The following ARID1A variants were observed in gnomAD, a reference collection of about 807,000 sequenced individuals.
ARID1A encodes the protein AT-rich interaction domain 1A.
Under a neutral mutation model 212.6 loss-of-function variants are expected in ARID1A, and 20 were observed. The observed-to-expected ratio is 0.09, with a 90% CI of 0.07 to 0.14. The LOEUF is 0.14. Among genes scored for constraint, ARID1A ranks in the 10% least tolerant of loss-of-function variants. The pLI, the probability that ARID1A is intolerant of heterozygous loss-of-function variation, is 1.00. For synonymous variants in ARID1A, 1,376 were observed against 1,222.1 expected, an observed-to-expected ratio of 1.13 and a Z score of -2.63; for missense variants, 2,587 against 3,059.0, an observed-to-expected ratio of 0.85 and a Z score of 3.64.
Position 26,696,331 on chromosome 1 carries a change from C to G in ARID1A, c.-73C>G, listed in dbSNP as rs1412032931. The G allele has an allele frequency of 2.6e-6, 3 of 1,169,026 alleles. No homozygotes were observed. Among genetic ancestry groups the G allele is most frequent in the Non-Finnish European group, 3.2e-6 (3 of 949,480 alleles). 72.4% of individuals were successfully genotyped at this position (1,169,026 alleles called of 1,614,324 possible). On this transcript the variant is annotated 5_prime_UTR_variant, in exon 1 of 20. Coordinates refer to ENST00000324856, the MANE Select transcript of ARID1A (RefSeq NM_006015.6). ...GGAGGGCAGCCCGGGGGACTGGGCC[C>G]CGGGGCGGGGTGGGAGGGGGGGAGA...
intron 4 of ARID1A, among the ~76,000 whole-genome samples, chr1:26,740,771 C>T (rs1002989918): frequency 3.3e-5 from 5 of 152,182 alleles, no homozygotes; most frequent in Admixed American, 1.3e-4. Context: ...CGTAGAACTA[C>T]TTCTGGCAAG....
intron 1 of ARID1A, among the ~76,000 whole-genome samples, 189 bp downstream of exon 1, chr1:26,697,729 C>T (rs929131407): frequency 1.3e-5 from 2 of 151,730 alleles, no homozygotes; most frequent in African/African-American, 2.4e-5. Context: ...CTCCTTCAGC[C>T]TTTGTGTTGG....
At chr1:26,707,644 G>C (rs2080406129) in intron 1 of ARID1A, among the ~76,000 whole-genome samples, 2 of 152,098 alleles carry the variant, frequency 1.3e-5, no homozygotes, top group South Asian at 4.1e-4. Flanking sequence ...TGCCTGGCAA[G>C]GATCCTGACT....
Position 26,772,332 on chromosome 1 carries a change from C to T in ARID1A, c.3407-168C>T, listed in dbSNP as rs558751217. ...CAAAGAGCTACAAAACCCTCAGATT[C>T]CCGTCTTTATGACCTGGCCTTGTAG... On this transcript the variant is annotated intron_variant, in intron 12 of 19. Transcript: ENST00000324856. The T allele has an allele frequency of 1.7e-4, 157 of 948,474 alleles. 2 individuals are homozygous for T. The South Asian group carries it at 2.7e-3, about 16-fold the overall frequency. 58.8% of individuals were successfully genotyped at this position (948,474 alleles called of 1,614,324 possible).
intron 7 of ARID1A, 104 bp from the exon 8 acceptor site, chr1:26,762,869 C>G (rs1282350920): frequency 1.0e-5 from 12 of 1,198,154 alleles, no homozygotes; most frequent in Non-Finnish European, 1.4e-5. Context: ...TGATCTCTTT[C>G]CTAACCAAAA....
chr1:26,733,394 G>A (rs1425124673), intron 4 of ARID1A, among the ~76,000 whole-genome samples: 2 of 152,140 alleles, frequency 1.3e-5, no homozygotes, highest in African/African-American at 4.8e-5. Context: ...GGGCTCTAGA[G>A]CCAGAGTTCC....
intron 1 of ARID1A, among the ~76,000 whole-genome samples, chr1:26,728,634 A>G (rs974013160): frequency 5.3e-5 from 8 of 152,192 alleles, no homozygotes; most frequent in Admixed American, 1.3e-4. Flanking sequence ...TGATAGGCCT[A>G]GAGTATCAGT....
intron 1 of ARID1A, among the ~76,000 whole-genome samples, chr1:26,725,163 T>C (rs1386121191): frequency 6.6e-6 from 1 of 152,218 alleles, no homozygotes; most frequent in African/African-American, 2.4e-5. Context: ...TTCCTCTGTC[T>C]TTCCCAGAGT....
intron 4 of ARID1A, among the ~76,000 whole-genome samples, chr1:26,756,533 G>T (rs1412504485): frequency 6.7e-6 from 1 of 150,072 alleles, no homozygotes; most frequent in Non-Finnish European, 1.5e-5. Flanking sequence ...TCCAGCCTGG[G>T]TGACAGACCC....
At chr1:26,714,666 C>T (rs2080485053) in intron 1 of ARID1A, among the ~76,000 whole-genome samples, 1 of 152,128 alleles carries the variant, frequency 6.6e-6, no homozygotes, top group African/African-American at 2.4e-5. Context: ...CCACCTGCCT[C>T]TGCCTCCCAA....
At chr1:26,776,854 G>A (rs1378596339) in intron 19 of ARID1A, among the ~76,000 whole-genome samples, 2 of 152,132 alleles carry the variant, frequency 1.3e-5, no homozygotes, top group African/African-American at 4.8e-5. Context: ...AATAGGCTCA[G>A]TCTTATCCTT....
rs368549897 is a variant in ARID1A, at chr1:26,718,618, C to T, written c.1138-11033C>T. 3.7e-4 allele frequency among the ~76,000 whole-genome samples: 57 copies of T among 152,200 alleles called. No individual in the cohort carries two copies. The East Asian group carries it at 7.3e-3, about 20-fold the overall frequency. ...ATTAATACGTACATTCTCCTGTATA[C>T]GTTAAATCATCTCTAGATTACTTAT... On this transcript the variant is annotated intron_variant, in intron 1 of 19. Transcript: ENST00000324856.
chr1:26,762,357 G>C (rs1304487413), intron 7 of ARID1A, 38 bp downstream of exon 7: 1 of 1,592,104 alleles, frequency 6.3e-7, no homozygotes, highest in Non-Finnish European at 8.6e-7. Context: ...ATACGGGTGA[G>C]AGGAGAAAAC....
intron 4 of ARID1A, among the ~76,000 whole-genome samples, chr1:26,739,732 C>G (rs1031313757): frequency 6.6e-6 from 1 of 152,188 alleles, no homozygotes; most frequent in Non-Finnish European, 1.5e-5. Context: ...GGGAGCTCCT[C>G]TGCTCTATGG....
At chr1:26,755,229 T>A (rs886815254) in intron 4 of ARID1A, among the ~76,000 whole-genome samples, 8 of 152,240 alleles carry the variant, frequency 5.3e-5, no homozygotes, top group Non-Finnish European at 1.2e-4. Context: ...GTAGCTGTAG[T>A]TAATCGTAAA....
At chr1:26,708,234 G>A (rs942566654) in intron 1 of ARID1A, among the ~76,000 whole-genome samples, 1 of 134,780 alleles carries the variant, frequency 7.4e-6, no homozygotes, top group East Asian at 2.5e-4. Context: ...GGGGTTGAGA[G>A]TGAGATTCAG....
intron 19 of ARID1A, among the ~76,000 whole-genome samples, chr1:26,776,888 T>C (rs2081141424): frequency 6.6e-6 from 1 of 152,218 alleles, no homozygotes. Flanking sequence ...TAGCTGTCAG[T>C]AGAATCTATC....
Position 26,696,812 on chromosome 1 carries a change from C to G in ARID1A, c.409C>G (p.His137Asp), listed in dbSNP as rs1397020420. 5.2e-6 allele frequency: 7 copies of G among 1,341,732 alleles called. No homozygotes were observed. Among genetic ancestry groups the G allele is most frequent in the East Asian group, 3.1e-5 (1 of 32,200 alleles). 83.1% of individuals were successfully genotyped at this position (1,341,732 alleles called of 1,614,324 possible). The change falls in exon 1 of 20, where the codon CAC (histidine) becomes GAC (aspartate). Residue 137 changes from histidine to aspartate, a missense_variant. By Grantham distance (81) the His-to-Asp change is moderately conservative. Coordinates refer to ENST00000324856, the MANE Select transcript of ARID1A (RefSeq NM_006015.6). ...GSSDGVGAPP[H>D]SAAAALPPPA... is the part of the protein sequence containing the mutation. Reference sequence around the variant, plus strand: ...CAGCGATGGGGTGGGGGCGCCTCCTCACTCAGCCGCGGCCGCCTTGCCGCC... The same window carrying G: ...CAGCGATGGGGTGGGGGCGCCTCCTGACTCAGCCGCGGCCGCCTTGCCGCC...
intron 4 of ARID1A, among the ~76,000 whole-genome samples, chr1:26,751,631 C>T (rs1377935254): frequency 2.0e-5 from 3 of 152,042 alleles, no homozygotes; most frequent in Non-Finnish European, 4.4e-5. Context: ...GAGAGTCAAC[C>T]ACTCACCTTA....
Sources: allele counts gnomAD v4.1 joint callset (sites outside exome capture counted in the v4.1 genomes callset), GRCh38; gene constraint gnomAD v4.1.1; transcripts MANE v1.5; gene names NCBI Gene and HGNC (gene_info 2026-07-23, HGNC 2026-07-21).